The following MLIP variants were observed in gnomAD, a reference collection of about 807,000 sequenced individuals.
The protein encoded by MLIP is muscular LMNA interacting protein.
In MLIP, 79 loss-of-function variants were observed where a neutral mutation model predicts 84.8. The observed-to-expected ratio is 0.93, with a 90% CI of 0.78 to 1.12. The LOEUF (loss-of-function observed/expected upper bound fraction) is 1.12. MLIP is among the 50% of genes most tolerant of loss of function. The probability of loss-of-function intolerance (pLI) is 0.00; values close to 1 mark genes in which losing one functional copy is unlikely to be tolerated. For synonymous variants in MLIP, 504 were observed against 463.0 expected (o/e 1.09, Z -1.14); for missense variants, 1,257 against 1,160.6 (o/e 1.08, Z -1.21).
chr6:54,034,968 C>T (rs1350440271), intron 1 of MLIP, among the ~76,000 whole-genome samples: 2 of 152,038 alleles, frequency 1.3e-5, no homozygotes, highest in Admixed American at 1.3e-4. Context: ...TGTTTAGATA[C>T]ACAAATATAT....
chr6:54,064,672 C>T (rs73741424), intron 1 of MLIP, among the ~76,000 whole-genome samples: 8,197 of 98,924 alleles, frequency 0.083, 1,597 homozygotes, highest in African/African-American at 0.19. Context: ...CAGCTGATAA[C>T]TTTTGAAGCA....
chr6:54,183,267 A>C (rs1250068001), intron 9 of MLIP, among the ~76,000 whole-genome samples: 3 of 152,208 alleles, frequency 2.0e-5, no homozygotes, highest in African/African-American at 7.2e-5. Flanking sequence ...ATCTGCTTCA[A>C]GGTAGGATGA....
In MLIP at chr6:54,189,880, C is replaced by T. The variant is rs373831421; in HGVS notation, c.2555C>T (p.Ser852Phe). Reference protein sequence around the residue: ...AGRETKYANLSSPSSTVSESQ... With the variant: ...AGRETKYANLFSPSSTVSESQ... ...GTTTATGTTTTGCAGGCAAATCTCT[C>T]CTCACCATCTTCTACAGTATCTGAG... Residue 852 changes from serine to phenylalanine, a missense_variant, in exon 10 of 14, where the codon TCC becomes TTC. Transcript: ENST00000502396. 179 of 1,602,330 alleles carry T rather than the reference C, an allele frequency of 1.1e-4. 1 individual carries two copies. In the East Asian group the frequency reaches 2.2e-3, roughly 20 times the overall value.
intron 5 of MLIP, among the ~76,000 whole-genome samples, chr6:54,149,987 A>G (rs1773268822): frequency 6.6e-6 from 1 of 152,092 alleles, no homozygotes; most frequent in Non-Finnish European, 1.5e-5. Flanking sequence ...TCAATGCACT[A>G]AGTCCATTTT....
At chr6:54,031,263 T>C (rs1439651005) in intron 1 of MLIP, 1 of 152,148 alleles carries the variant, frequency 6.6e-6, no homozygotes, top group East Asian at 1.9e-4. Context: ...TTTATTATCT[T>C]GCTGACTCAA....
chr6:54,234,935 A>G (rs894605390), intron 12 of MLIP, among the ~76,000 whole-genome samples: 1 of 152,090 alleles, frequency 6.6e-6, no homozygotes, highest in Admixed American at 6.5e-5. Context: ...TCAAATCTAC[A>G]CTTCCCATTC....
chr6:54,224,572 T>TTTA (rs769340978), intron 11 of MLIP, among the ~76,000 whole-genome samples: 7 of 151,978 alleles, frequency 4.6e-5, no homozygotes, highest in Non-Finnish European at 7.4e-5. Flanking sequence ...GGGGAATTCT[T>TTTA]TTATTATTAT....
At chr6:54,154,456 C>G (rs1190184071) in intron 5 of MLIP, among the ~76,000 whole-genome samples, 1 of 152,170 alleles carries the variant, frequency 6.6e-6, no homozygotes, top group Non-Finnish European at 1.5e-5. Context: ...ATTGAATACT[C>G]TAGTGTATCA....
chr6:54,067,929 A>G (rs1766283235), intron 1 of MLIP, among the ~76,000 whole-genome samples: 1 of 99,948 alleles, frequency 1.0e-5, no homozygotes, highest in African/African-American at 2.6e-5. Flanking sequence ...GGGATGCACA[A>G]GCCCTCAAGA....
chr6:54,083,945 G>A (rs1767325991), intron 1 of MLIP, among the ~76,000 whole-genome samples: 2 of 152,050 alleles, frequency 1.3e-5, no homozygotes, highest in Admixed American at 1.3e-4. Context: ...TACTTTTTAG[G>A]ACTAAATTTG....
chr6:54,078,425 C>G (rs1307147963), intron 1 of MLIP, among the ~76,000 whole-genome samples: 1 of 152,064 alleles, frequency 6.6e-6, no homozygotes, highest in Non-Finnish European at 1.5e-5. Context: ...AACCCTGTCT[C>G]TACAAAAAAT....
chr6:54,112,170 A>T (rs1167068945), intron 1 of MLIP, among the ~76,000 whole-genome samples: 1 of 152,230 alleles, frequency 6.6e-6, no homozygotes, highest in African/African-American at 2.4e-5. Context: ...CAATGCTGTT[A>T]ACATGCATCT....
intron 1 of MLIP, among the ~76,000 whole-genome samples, chr6:54,035,735 A>G (rs958678772): frequency 1.3e-5 from 2 of 151,998 alleles, no homozygotes; most frequent in Non-Finnish European, 1.5e-5. Flanking sequence ...ACATCTTTTC[A>G]TGTACTTATT....
chr6:54,094,603 T>A (rs78542271), intron 1 of MLIP, among the ~76,000 whole-genome samples: 5 of 151,944 alleles, frequency 3.3e-5, no homozygotes, highest in Admixed American at 1.3e-4. Flanking sequence ...TTTTTTTTTT[T>A]AATTTACAAA....
At chr6:54,229,733 G>T (rs1472186581) in intron 11 of MLIP, among the ~76,000 whole-genome samples, 1 of 152,104 alleles carries the variant, frequency 6.6e-6, no homozygotes, top group Non-Finnish European at 1.5e-5. Context: ...GTATTCCATG[G>T]TGTATATGTA....
intron 1 of MLIP, among the ~76,000 whole-genome samples, chr6:54,075,413 C>T (rs1766742793): frequency 6.6e-6 from 1 of 151,902 alleles, no homozygotes; most frequent in Non-Finnish European, 1.5e-5. Flanking sequence ...TTTTAATAAC[C>T]TCATCAGAAC....
intron 4 of MLIP, among the ~76,000 whole-genome samples, chr6:54,144,429 G>A (rs1554163686): frequency 6.6e-6 from 1 of 152,192 alleles, no homozygotes; most frequent in Non-Finnish European, 1.5e-5. Context: ...TGGCACCAGG[G>A]ACCAGTTTTA....
At chr6:54,204,135 G>A (rs1778881932) in intron 11 of MLIP, among the ~76,000 whole-genome samples, 1 of 152,042 alleles carries the variant, frequency 6.6e-6, no homozygotes, top group Admixed American at 6.5e-5. Flanking sequence ...TGATTTATAA[G>A]TCTGATTTTT....
intron 1 of MLIP, chr6:54,057,886 A>G (rs1015070047): frequency 6.6e-6 from 1 of 152,212 alleles, no homozygotes; most frequent in Non-Finnish European, 1.5e-5. Context: ...GAGAGGCAAA[A>G]ATAGAGACTA....
Sources: allele counts gnomAD v4.1 joint callset (sites outside exome capture counted in the v4.1 genomes callset), GRCh38; gene constraint gnomAD v4.1.1; transcripts MANE v1.5; gene names NCBI Gene and HGNC (gene_info 2026-07-23, HGNC 2026-07-21).